TUNAR: variants seen among roughly 807,000 people sequenced by gnomAD.
TUNAR encodes transmembrane neural differentiation associated intracellular calcium regulator.
At chr14:95,898,229 T>C (rs1239167249) in intron 2 of TUNAR, among the ~76,000 whole-genome samples, 1 of 152,234 alleles carries the variant, frequency 6.6e-6, no homozygotes, top group African/African-American at 2.4e-5. Flanking sequence ...GAGTTTTCCT[T>C]GTTGCTGATG....
chr14:95,884,719 T>C (rs1210133053), intron 2 of TUNAR, among the ~76,000 whole-genome samples: 4 of 152,202 alleles, frequency 2.6e-5, no homozygotes, highest in Admixed American at 6.5e-5. Context: ...CCCAGGGCCC[T>C]GTCATCCCTC....
At chr14:95,900,458 A>T (rs901000878) in intron 2 of TUNAR, among the ~76,000 whole-genome samples, 1 of 152,068 alleles carries the variant, frequency 6.6e-6, no homozygotes, top group Non-Finnish European at 1.5e-5. Flanking sequence ...CTTGAGCAAG[A>T]GCCAGGAGTC....
Position 95,891,241 on chromosome 14 carries a change from C to T in TUNAR, c.12+14064C>T, listed in dbSNP as rs187755204. Among the ~76,000 whole-genome samples the T allele has an allele frequency of 3.1e-4, 47 of 152,328 alleles. 2 individuals carry two copies. In the East Asian group the frequency reaches 7.5e-3, roughly 24 times the overall value. On this transcript the variant is annotated intron_variant, in intron 2 of 2. Transcript: ENST00000678517. ...AGCTAGAGCCAAGGTCCCACCTGCT[C>T]GGGGGTTTTCCCTGGAGCTTGAGAG...
chr14:95,888,642 A>ACCTGTAGT, intron 2 of TUNAR, among the ~76,000 whole-genome samples: 1 of 152,088 alleles, frequency 6.6e-6, no homozygotes, highest in Non-Finnish European at 1.5e-5. Flanking sequence ...CATACTGCCT[A>ACCTGTAGT]CCTGTAGTCT....
At chr14:95,924,558 C>A (rs1236805071) in exon 3 of TUNAR, 1 of 152,358 alleles carries the variant, frequency 6.6e-6, no homozygotes, top group Non-Finnish European at 1.5e-5. Context: ...ATTGGACTTA[C>A]AGTTCCACGT....
chr14:95,892,818 A>C (rs1294161065), intron 2 of TUNAR, among the ~76,000 whole-genome samples: 1 of 152,200 alleles, frequency 6.6e-6, no homozygotes, highest in Non-Finnish European at 1.5e-5. Context: ...GCACGACTTG[A>C]AATGCCCGCA....
At chr14:95,877,269 A>G (rs1313691659) in intron 2 of TUNAR, 92 bp downstream of exon 1, 2 of 151,802 alleles carry the variant, frequency 1.3e-5, no homozygotes, top group African/African-American at 2.4e-5. Context: ...TTCCCCACTT[A>G]CAGCCTGGAA....
At chr14:95,877,263 C>G (rs1223286431) in intron 2 of TUNAR, 86 bp downstream of exon 1, 1 of 152,268 alleles carries the variant, frequency 6.6e-6, no homozygotes, top group African/African-American at 2.4e-5. Flanking sequence ...CCCTCCTTCC[C>G]CACTTACAGC....
exon 3 of TUNAR, chr14:95,924,545 T>G (rs1164857523): frequency 3.9e-5 from 6 of 152,138 alleles, no homozygotes; most frequent in Non-Finnish European, 7.3e-5. Flanking sequence ...AAGAAAGAGG[T>G]TTATTGGACT....
chr14:95,920,313 T>G (rs1443771164), intron 2 of TUNAR, among the ~76,000 whole-genome samples: 1 of 152,122 alleles, frequency 6.6e-6, no homozygotes, highest in Non-Finnish European at 1.5e-5. Context: ...GAAGGCTCTG[T>G]TTCTTGATCT....
chr14:95,920,706 G>A (rs1037203055), intron 2 of TUNAR, among the ~76,000 whole-genome samples: 16 of 152,124 alleles, frequency 1.1e-4, no homozygotes, highest in Non-Finnish European at 1.9e-4. Context: ...CCTTTCAGGG[G>A]CTCATGTGCA....
At chr14:95,886,264 G>A (rs1042008288) in intron 2 of TUNAR, among the ~76,000 whole-genome samples, 1 of 152,200 alleles carries the variant, frequency 6.6e-6, no homozygotes, top group Non-Finnish European at 1.5e-5. Context: ...AGGGGGACAT[G>A]GTCTGGAATC....
At chr14:95,900,989 G>A (rs1889343826) in intron 2 of TUNAR, among the ~76,000 whole-genome samples, 1 of 152,104 alleles carries the variant, frequency 6.6e-6, no homozygotes, top group African/African-American at 2.4e-5. Context: ...AGTTATTTTT[G>A]TGCCCTTTAC....
At chr14:95,887,789 C>G (rs975595284) in intron 2 of TUNAR, among the ~76,000 whole-genome samples, 1 of 152,174 alleles carries the variant, frequency 6.6e-6, no homozygotes, top group Non-Finnish European at 1.5e-5. Context: ...GGGGACCCGA[C>G]CAGATGATGG....
At chr14:95,892,193 C>G (rs1889190153) in intron 2 of TUNAR, among the ~76,000 whole-genome samples, 1 of 152,212 alleles carries the variant, frequency 6.6e-6, no homozygotes, top group Non-Finnish European at 1.5e-5. Flanking sequence ...CACTCATACC[C>G]AGAAGGTTCT....
intron 2 of TUNAR, among the ~76,000 whole-genome samples, chr14:95,880,164 G>T (rs530465363): frequency 6.6e-6 from 1 of 152,102 alleles, no homozygotes; most frequent in Non-Finnish European, 1.5e-5. Flanking sequence ...GTGTGTATTG[G>T]TACCAGATAT....
chr14:95,896,969 G>T (rs77112498), intron 2 of TUNAR, among the ~76,000 whole-genome samples: 38 of 152,304 alleles, frequency 2.5e-4, no homozygotes, highest in African/African-American at 8.2e-4. Context: ...CCATGATTCG[G>T]GCTTGCGTTG....
chr14:95,900,529 G>A (rs1889335345), intron 2 of TUNAR, among the ~76,000 whole-genome samples: 1 of 152,246 alleles, frequency 6.6e-6, no homozygotes, highest in South Asian at 2.1e-4. Flanking sequence ...GGGAGTCCAG[G>A]GTAGCAAAGG....
At chr14:95,883,097 A>G (rs1889008106) in intron 2 of TUNAR, among the ~76,000 whole-genome samples, 1 of 152,230 alleles carries the variant, frequency 6.6e-6, no homozygotes, top group African/African-American at 2.4e-5. Context: ...TCAAGTCTAA[A>G]GGTAGACGTG....
Sources: allele counts gnomAD v4.1 joint callset (sites outside exome capture counted in the v4.1 genomes callset), GRCh38; gene constraint gnomAD v4.1.1; transcripts MANE v1.5; gene names NCBI Gene and HGNC (gene_info 2026-07-23, HGNC 2026-07-21).